Variants in HDAC8 observed in about 807,000 individuals in gnomAD.
The protein encoded by HDAC8 is histone deacetylase 8, also known as histone deacetylase-like 1.
HDAC8 carries 1 observed loss-of-function variant against 32.2 expected under a neutral mutation model. That is an observed-to-expected ratio of 0.03 (90% CI 0.01 to 0.15). The LOEUF (loss-of-function observed/expected upper bound fraction) is 0.15. Among genes scored for constraint, HDAC8 ranks in the 10% least tolerant of loss-of-function variants. HDAC8 has a pLI of 1.00. For synonymous variants in HDAC8, 108 were observed against 113.9 expected, an observed-to-expected ratio of 0.95 and a Z score of 0.33; for missense variants, 117 against 300.0, an observed-to-expected ratio of 0.39 and a Z score of 4.51.
chrX:72,549,413 A>G (rs2050988642), intron 4 of HDAC8, among the ~76,000 whole-genome samples: 1 of 111,544 alleles, frequency 9.0e-6, no homozygotes, highest in South Asian at 3.8e-4. Context: ...TCTTCAGTGA[A>G]GGTGATTCTC....
intron 7 of HDAC8, among the ~76,000 whole-genome samples, chrX:72,472,090 C>T (rs373519475): frequency 5.8e-5 from 6 of 103,809 alleles, no homozygotes; most frequent in African/African-American, 7.1e-5. Context: ...TTTTTTGAGA[C>T]GGAGTCTCGC....
intron 10 of HDAC8, among the ~76,000 whole-genome samples, chrX:72,349,021 C>T (rs1259079023): frequency 8.9e-6 from 1 of 112,408 alleles, no homozygotes; most frequent in Non-Finnish European, 1.9e-5. Flanking sequence ...ACAGAGACCT[C>T]ATGCCTTTCT....
At chrX:72,480,503 T>C in intron 7 of HDAC8, 2 of 309,576 alleles carry the variant, frequency 6.5e-6, no homozygotes, top group Non-Finnish European at 1.2e-5. Flanking sequence ...AGTGTTGCGA[T>C]TCCTCAAGGA....
chrX:72,495,423 C>T (rs1390931360), intron 4 of HDAC8, among the ~76,000 whole-genome samples, 155 bp from the exon 5 acceptor site: 3 of 111,570 alleles, frequency 2.7e-5, no homozygotes, highest in Non-Finnish European at 5.7e-5. Flanking sequence ...AGTAAATGAC[C>T]CAGAATGATC....
chrX:72,421,535 C>T (rs1423007360), intron 9 of HDAC8, among the ~76,000 whole-genome samples: 1 of 112,400 alleles, frequency 8.9e-6, no homozygotes, highest in Non-Finnish European at 1.9e-5. Flanking sequence ...ACTTTAATAG[C>T]ACATGAAAAC....
At chrX:72,470,739 T>A (rs1454537250) in intron 7 of HDAC8, among the ~76,000 whole-genome samples, 4 of 111,881 alleles carry the variant, frequency 3.6e-5, no homozygotes, top group African/African-American at 1.3e-4. Flanking sequence ...CTGTTATCTT[T>A]TTCAAACTTC....
At chrX:72,446,249 G>A (rs2047390880) in intron 9 of HDAC8, among the ~76,000 whole-genome samples, 2 of 112,068 alleles carry the variant, frequency 1.8e-5, no homozygotes, top group South Asian at 3.7e-4. Context: ...TGTTTATTGT[G>A]GCAATATTCA....
intron 9 of HDAC8, among the ~76,000 whole-genome samples, chrX:72,358,788 A>T (rs1206090656): frequency 8.9e-6 from 1 of 111,758 alleles, no homozygotes; most frequent in Non-Finnish European, 1.9e-5. Flanking sequence ...GGAGGTGGGG[A>T]TGGTTTCAGG....
chrX:72,438,088 G>A (rs2047005922), intron 9 of HDAC8, among the ~76,000 whole-genome samples: 1 of 111,959 alleles, frequency 8.9e-6, no homozygotes, highest in Non-Finnish European at 1.9e-5. Context: ...TCTCATACAG[G>A]AGAACTCCGG....
chrX:72,550,619 C>T (rs1298024325), intron 4 of HDAC8, among the ~76,000 whole-genome samples: 2 of 110,509 alleles, frequency 1.8e-5, no homozygotes, highest in Non-Finnish European at 3.8e-5. Context: ...TCATTGTAGC[C>T]CACTAAATTG....
In HDAC8 at chrX:72,443,604, C is replaced by T. The variant is rs1194576548; in HGVS notation, c.1005+18400G>A. On this transcript the variant is annotated intron_variant, in intron 9 of 10. Transcript: ENST00000373573. ...AGTAGGAAAGATCCAAAATTGACAC[C>T]CTAACATCACAATTAAAAGAACTAG... 1.6e-4 allele frequency among the ~76,000 whole-genome samples: 18 copies of T among 110,616 alleles called. No homozygotes were observed. In the Admixed American group the frequency reaches 1.7e-3, roughly 11 times the overall value.
chrX:72,480,111 C>T (rs1180884887), intron 7 of HDAC8, among the ~76,000 whole-genome samples: 2 of 112,212 alleles, frequency 1.8e-5, no homozygotes, highest in Non-Finnish European at 3.8e-5. Context: ...AATTTTACAT[C>T]TGCCATACCC....
intron 9 of HDAC8, among the ~76,000 whole-genome samples, chrX:72,444,033 GGCAATAATCAATA>G (rs1330135099): frequency 1.8e-5 from 2 of 109,626 alleles, no homozygotes; most frequent in African/African-American, 6.8e-5. Context: ...CTGAAATTGT[GGCAATAATCAATA>G]GCTTACCAAC....
intron 4 of HDAC8, among the ~76,000 whole-genome samples, chrX:72,558,555 C>T (rs182452266): frequency 3.6e-5 from 4 of 111,235 alleles, no homozygotes; most frequent in Non-Finnish European, 7.5e-5. Context: ...ATTAAAACCC[C>T]GAGCAAAATT....
At chrX:72,404,293 A>C (rs1473537655) in intron 9 of HDAC8, among the ~76,000 whole-genome samples, 3 of 111,361 alleles carry the variant, frequency 2.7e-5, no homozygotes, top group Non-Finnish European at 5.7e-5. Flanking sequence ...TTGCCCTTGG[A>C]ATTTTAACAT....
intron 9 of HDAC8, among the ~76,000 whole-genome samples, chrX:72,456,345 A>G (rs1184049666): frequency 2.7e-5 from 3 of 112,366 alleles, no homozygotes; most frequent in Non-Finnish European, 3.7e-5. Flanking sequence ...AACAATAACA[A>G]TGTATCAAGA....
At chrX:72,468,906 T>C (rs1555996225) in intron 7 of HDAC8, among the ~76,000 whole-genome samples, 2 of 111,825 alleles carry the variant, frequency 1.8e-5, no homozygotes, top group South Asian at 3.8e-4. Context: ...ACCTATTTTT[T>C]CCCCCTGCCT....
intron 9 of HDAC8, among the ~76,000 whole-genome samples, chrX:72,418,454 A>G (rs1482353127): frequency 1.8e-5 from 2 of 112,183 alleles, no homozygotes; most frequent in African/African-American, 6.5e-5. Context: ...ACTAATCATT[A>G]GAGAAATGCA....
chrX:72,440,964 C>T lies in HDAC8; in HGVS notation c.1005+21040G>A, dbSNP rs368553538. Among the ~76,000 whole-genome samples, 144 of 112,761 alleles carry T rather than the reference C, an allele frequency of 1.3e-3. 2 individuals are homozygous for T. The South Asian group carries it at 0.05, about 39-fold the overall frequency. ...AGCAGTCTGAGTTCAAACTGCAAGG[C>T]GGCAGCGAGGCTGAGGGAGGGGCGC... On this transcript the variant is annotated intron_variant, in intron 9 of 10. Coordinates refer to ENST00000373573, the MANE Select transcript of HDAC8 (RefSeq NM_018486.3).
Sources: allele counts gnomAD v4.1 joint callset (sites outside exome capture counted in the v4.1 genomes callset), GRCh38; gene constraint gnomAD v4.1.1; transcripts MANE v1.5; gene names NCBI Gene and HGNC (gene_info 2026-07-23, HGNC 2026-07-21).